The following TRPC5 variants were observed in gnomAD, a reference collection of about 807,000 sequenced individuals.
TRPC5 encodes the protein short transient receptor potential channel 5.
Under a neutral mutation model 56.5 loss-of-function variants are expected in TRPC5, and 9 were observed. The observed-to-expected ratio is 0.16, with a 90% CI of 0.10 to 0.28. TRPC5 has a LOEUF of 0.28. Among genes scored for constraint, TRPC5 ranks in the 10% least tolerant of loss-of-function variants. The pLI is 1.00. For synonymous variants in TRPC5, 282 were observed against 278.5 expected, an observed-to-expected ratio of 1.01 and a Z score of -0.13; for missense variants, 469 against 748.9, an observed-to-expected ratio of 0.63 and a Z score of 4.36.
intron 1 of TRPC5, among the ~76,000 whole-genome samples, chrX:112,043,148 T>A (rs1350986035): frequency 2.7e-5 from 3 of 112,103 alleles, no homozygotes; most frequent in African/African-American, 9.7e-5. Flanking sequence ...GGAACTGTGG[T>A]TTACATTTCT....
At chrX:111,836,317 A>G (rs1569526185) in intron 6 of TRPC5, among the ~76,000 whole-genome samples, 1 of 112,393 alleles carries the variant, frequency 8.9e-6, no homozygotes, top group African/African-American at 3.2e-5. Context: ...GCAGAACATA[A>G]GAAATGCTAC....
intron 1 of TRPC5, among the ~76,000 whole-genome samples, chrX:112,008,284 T>C (rs1389075319): frequency 1.8e-5 from 2 of 111,974 alleles, no homozygotes; most frequent in Non-Finnish European, 3.8e-5. Flanking sequence ...TGAACCTTAT[T>C]GTATTTTAGA....
chrX:112,038,052 A>G lies in TRPC5; in HGVS notation c.-22+43827T>C, dbSNP rs189032757. Among the ~76,000 whole-genome samples, 402 of 111,738 alleles carry G rather than the reference A, an allele frequency of 3.6e-3. 2 individuals carry two copies. The highest frequency in any genetic ancestry group is 0.012 in the African/African-American group (380 of 30,793). ...GTTTAAAAACTTGGCAAAACCATGC[A>G]CATGTATTTTTCCACTGCAAAAGGG... On this transcript the variant is annotated intron_variant, in intron 1 of 10. Transcript: ENST00000262839.
chrX:112,023,246 G>GTTTTTTTTTT (rs1163231468), intron 1 of TRPC5, among the ~76,000 whole-genome samples: 4 of 56,679 alleles, frequency 7.1e-5, no homozygotes, highest in Non-Finnish European at 1.3e-4. Context: ...TTTTTTTTTT[G>GTTTTTTTTTT]TTTTTTTTTT....
intron 1 of TRPC5, among the ~76,000 whole-genome samples, chrX:112,034,323 T>G (rs1245143473): frequency 2.7e-5 from 3 of 110,289 alleles, no homozygotes; most frequent in East Asian, 2.8e-4. Flanking sequence ...TTTGTTTTTT[T>G]TTTTTTTAGT....
chrX:111,846,083 T>C (rs1161784606), intron 6 of TRPC5, among the ~76,000 whole-genome samples: 1 of 111,165 alleles, frequency 9.0e-6, no homozygotes, highest in Non-Finnish European at 1.9e-5. Context: ...TGTTTTTTTC[T>C]CTATCACTGC....
At chrX:112,048,399 C>CAAAAAAAAAAAAAAAA in intron 1 of TRPC5, among the ~76,000 whole-genome samples, 1 of 21,483 alleles carries the variant, frequency 4.7e-5, no homozygotes, top group Middle Eastern at 0.05. Flanking sequence ...GACTCCGTAT[C>CAAAAAAAAAAAAAAAA]AAAAAAAAAA....
At chrX:112,027,808 G>GT (rs1929461384) in intron 1 of TRPC5, among the ~76,000 whole-genome samples, 1 of 112,064 alleles carries the variant, frequency 8.9e-6, no homozygotes, top group Non-Finnish European at 1.9e-5. Context: ...GTACCTCAAA[G>GT]TTATTTCATA....
chrX:111,918,509 CT>C (rs748783378), intron 2 of TRPC5, among the ~76,000 whole-genome samples: 2,631 of 106,316 alleles, frequency 0.025, 95 homozygotes, highest in African/African-American at 0.084. Flanking sequence ...AAGAATGTGG[CT>C]TTTTTTTTTC....
chrX:111,968,055 A>C (rs1219761682), intron 1 of TRPC5, among the ~76,000 whole-genome samples: 2 of 111,463 alleles, frequency 1.8e-5, no homozygotes, highest in Non-Finnish European at 3.8e-5. Context: ...AATGGGAGAA[A>C]ATTTTTTCAA....
intron 2 of TRPC5, among the ~76,000 whole-genome samples, chrX:111,944,284 G>A (rs1926862552): frequency 1.2e-5 from 1 of 82,576 alleles, no homozygotes; most frequent in African/African-American, 6.2e-5. Flanking sequence ...GTGTGTGTGT[G>A]TGTGTGTGTG....
intron 1 of TRPC5, among the ~76,000 whole-genome samples, chrX:111,952,923 G>T (rs1927131752): frequency 9.0e-6 from 1 of 111,384 alleles, no homozygotes; most frequent in Non-Finnish European, 1.9e-5. Flanking sequence ...TTCTCTTCTG[G>T]TGCCTGAAAA....
intron 1 of TRPC5, among the ~76,000 whole-genome samples, chrX:112,012,837 C>T (rs997577582): frequency 8.9e-6 from 1 of 111,783 alleles, no homozygotes; most frequent in Admixed American, 9.5e-5. Context: ...TCCAGTTCTA[C>T]GATCCTAATG....
chrX:111,805,701 T>G (rs1359271283), intron 7 of TRPC5, among the ~76,000 whole-genome samples: 1 of 111,440 alleles, frequency 9.0e-6, no homozygotes, highest in Admixed American at 9.6e-5. Flanking sequence ...TGAGATAGGG[T>G]ATCACTCTGT....
intron 1 of TRPC5, among the ~76,000 whole-genome samples, chrX:111,995,660 T>C (rs1418846953): frequency 8.9e-6 from 1 of 111,890 alleles, no homozygotes; most frequent in East Asian, 2.8e-4. Context: ...ATTGGTCTAT[T>C]CAGAGATTCA....
At chrX:111,800,712 C>CCA (rs1164892078) in intron 7 of TRPC5, among the ~76,000 whole-genome samples, 12 of 109,114 alleles carry the variant, frequency 1.1e-4, no homozygotes, top group African/African-American at 4.1e-4. Flanking sequence ...CGAGATCATG[C>CCA]CACTGCACTC....
At chrX:111,995,979 CTCTT>C (rs1371681834) in intron 1 of TRPC5, among the ~76,000 whole-genome samples, 1 of 107,961 alleles carries the variant, frequency 9.3e-6, no homozygotes, top group East Asian at 2.9e-4. Flanking sequence ...GTGTCTCTAT[CTCTT>C]TCACTTCTGC....
At chrX:111,810,087 G>T (rs917500485) in intron 7 of TRPC5, among the ~76,000 whole-genome samples, 1 of 110,119 alleles carries the variant, frequency 9.1e-6, no homozygotes, top group Non-Finnish European at 1.9e-5. Context: ...GCTAATTTTT[G>T]TATTTTTAGT....
intron 3 of TRPC5, among the ~76,000 whole-genome samples, chrX:111,863,255 G>C (rs1049330135): frequency 1.8e-5 from 2 of 111,916 alleles, no homozygotes; most frequent in Admixed American, 9.5e-5. Context: ...CATGGACTCA[G>C]GTGGAGTAGA....
Sources: allele counts gnomAD v4.1 joint callset (sites outside exome capture counted in the v4.1 genomes callset), GRCh38; gene constraint gnomAD v4.1.1; transcripts MANE v1.5; gene names NCBI Gene and HGNC (gene_info 2026-07-23, HGNC 2026-07-21).